USP34: variants seen among roughly 807,000 people sequenced by gnomAD.
USP34 encodes the protein ubiquitin specific peptidase 34.
Under a neutral mutation model 460.3 loss-of-function variants are expected in USP34, and 70 were observed. The ratio of observed to expected loss-of-function variants is 0.15; its 90% CI spans 0.13 to 0.19. USP34 has a LOEUF of 0.19. Among genes scored for constraint, USP34 ranks in the 10% least tolerant of loss-of-function variants. The probability of loss-of-function intolerance (pLI) is 1.00; values close to 1 mark genes in which losing one functional copy is unlikely to be tolerated. For synonymous variants in USP34, 1,647 were observed against 1,405.3 expected (o/e 1.17, Z -3.85); for missense variants, 3,985 against 4,236.2 (o/e 0.94, Z 1.65).
chr2:61,222,511 T>A, intron 65 of USP34, 108 bp downstream of exon 65: 2 of 795,252 alleles, frequency 2.5e-6, no homozygotes, highest in East Asian at 5.3e-5. Flanking sequence ...TATTATGTTA[T>A]GGGAGAAACC....
chr2:61,383,143 C>G (rs775452580), intron 6 of USP34, 126 bp downstream of exon 6: 4 of 541,516 alleles, frequency 7.4e-6, no homozygotes, highest in Non-Finnish European at 1.2e-5. Flanking sequence ...ATATACCAAA[C>G]TGTTACTTGA....
chr2:61,380,461 T>C, intron 6 of USP34, 100 bp from the exon 7 acceptor site: 1 of 1,284,416 alleles, frequency 7.8e-7, no homozygotes, highest in Non-Finnish European at 1.0e-6. Flanking sequence ...TAACATTTTT[T>C]GTGTCCAAAA....
In USP34 at chr2:61,211,827, T is replaced by C. The variant is rs775421544; in HGVS notation, c.8785A>G (p.Ile2929Val). The C allele has an allele frequency of 2.1e-5, 34 of 1,607,772 alleles. No individual in the cohort carries two copies. The highest frequency in any genetic ancestry group is 2.3e-5 in the East Asian group (1 of 44,410). ...EDIKQFKKTT[I>V]SCYLRCLDGR... The stretch of plus-strand genomic sequence containing the variant: ...TCTAAGCAACGTAAGTAACAACTTA[T>C]GGTTGTTTTCTTGAACTGTTTAATA... Residue 2929 changes from isoleucine to valine, a missense_variant, in exon 69 of 80, where the codon ATA becomes GTA. Coordinates refer to ENST00000398571, the MANE Select transcript of USP34 (RefSeq NM_014709.4).
chr2:61,307,955 G>A (rs1329473915), intron 27 of USP34, among the ~76,000 whole-genome samples: 1 of 152,024 alleles, frequency 6.6e-6, no homozygotes, highest in Non-Finnish European at 1.5e-5. Flanking sequence ...AGACTCAGGT[G>A]GCAGGATCAC....
In USP34 at chr2:61,345,528, C is replaced by A. The variant is rs73936124; in HGVS notation, c.2286-1499G>T. 4.0e-3 allele frequency among the ~76,000 whole-genome samples: 610 copies of A among 152,300 alleles called. 2 individuals carry two copies. The highest frequency in any genetic ancestry group is 0.014 in the African/African-American group (586 of 41,558). On this transcript the variant is annotated intron_variant, in intron 15 of 79. Transcript: ENST00000398571. ...TAAACTCACATAGTATCACTCGTAA[C>A]GACAATGATAAATATACAGCTAACA...
intron 1 of USP34, among the ~76,000 whole-genome samples, chr2:61,452,043 G>A (rs191060717): frequency 0.017 from 2,603 of 151,328 alleles, 30 homozygotes; most frequent in Middle Eastern, 0.038. Flanking sequence ...GCGTGGTGGC[G>A]GGCGCCTGTA....
At chr2:61,247,285 C>T (rs1188230373) in intron 49 of USP34, among the ~76,000 whole-genome samples, 2 of 152,204 alleles carry the variant, frequency 1.3e-5, no homozygotes, top group Admixed American at 1.3e-4. Flanking sequence ...CTTGAGGGTA[C>T]AGTCTGAACT....
At chr2:61,349,807 C>A (rs531181534) in intron 12 of USP34, among the ~76,000 whole-genome samples, 1 of 151,996 alleles carries the variant, frequency 6.6e-6, no homozygotes, top group African/African-American at 2.4e-5. Context: ...CACCACTGCA[C>A]TCCAGCTTGG....
chr2:61,397,524 G>A (rs541309686), intron 3 of USP34, among the ~76,000 whole-genome samples: 1 of 152,148 alleles, frequency 6.6e-6, no homozygotes, highest in South Asian at 2.1e-4. Flanking sequence ...CCAGCACTTT[G>A]GGAGGCCAAG....
At chr2:61,396,161 G>A (rs1169189132) in intron 3 of USP34, among the ~76,000 whole-genome samples, 3 of 151,974 alleles carry the variant, frequency 2.0e-5, no homozygotes, top group African/African-American at 7.2e-5. Flanking sequence ...ACTTTTTCAT[G>A]ATTTTTGAAA....
chr2:61,189,197 G>T, intron 78 of USP34, 128 bp from the exon 79 acceptor site: 1 of 963,714 alleles, frequency 1.0e-6, no homozygotes, highest in South Asian at 1.9e-5. Flanking sequence ...TGGTTTCTCT[G>T]GGATTCTTAG....
At chr2:61,205,949 C>G in intron 72 of USP34, 68 bp downstream of exon 72, 1 of 1,226,086 alleles carries the variant, frequency 8.2e-7, no homozygotes, top group Admixed American at 1.8e-5. Flanking sequence ...GGCTTAACAT[C>G]ACGGAAAAAC....
chr2:61,394,381 A>G (rs1309331132), intron 5 of USP34, among the ~76,000 whole-genome samples: 6 of 151,892 alleles, frequency 4.0e-5, no homozygotes, highest in African/African-American at 1.2e-4. Flanking sequence ...GCAACATGGT[A>G]AAACTCTGTC....
intron 23 of USP34, 99 bp from the exon 24 acceptor site, chr2:61,315,073 T>G (rs1240539353): frequency 1.3e-6 from 1 of 789,240 alleles, no homozygotes; most frequent in Non-Finnish European, 2.0e-6. Context: ...GCAACTCCTA[T>G]TATTCAGCTA....
chr2:61,260,628 T>C (rs1446596684), intron 43 of USP34, among the ~76,000 whole-genome samples: 1 of 152,144 alleles, frequency 6.6e-6, no homozygotes, highest in Non-Finnish European at 1.5e-5. Flanking sequence ...ATAATTACTA[T>C]AAAATTATAT....
intron 49 of USP34, 87 bp downstream of exon 49, chr2:61,248,424 G>A: frequency 1.5e-6 from 2 of 1,343,078 alleles, no homozygotes; most frequent in East Asian, 4.7e-5. Context: ...TGTTAACTGT[G>A]TAGTTGATGA....
intron 75 of USP34, among the ~76,000 whole-genome samples, chr2:61,197,077 C>A (rs1480957095): frequency 3.3e-5 from 5 of 152,092 alleles, no homozygotes; most frequent in Non-Finnish European, 7.4e-5. Flanking sequence ...GAGTTCAAGA[C>A]CAGCCTGGCC....
intron 67 of USP34, among the ~76,000 whole-genome samples, chr2:61,219,898 G>C (rs17540733): frequency 1.3e-5 from 2 of 151,824 alleles, no homozygotes; most frequent in African/African-American, 2.4e-5. Context: ...ACCTGTCTAA[G>C]ATCTTTTTTA....
At chr2:61,462,996 C>T (rs962985895) in intron 1 of USP34, among the ~76,000 whole-genome samples, 3 of 151,320 alleles carry the variant, frequency 2.0e-5, no homozygotes, top group Non-Finnish European at 2.9e-5. Context: ...CTTCATTGCA[C>T]TCCAGCCTGG....
Sources: gnomAD v4.1 joint callset for allele counts (sites outside exome capture counted in the v4.1 genomes callset) on GRCh38, gnomAD v4.1.1 for gene constraint, MANE v1.5 for transcripts, NCBI Gene and HGNC (gene_info 2026-07-23, HGNC 2026-07-21) for gene names.